MLC1: variants seen among roughly 807,000 people sequenced by gnomAD.
The protein encoded by MLC1 is membrane protein MLC1.
MLC1 carries 32 observed loss-of-function variants against 44.7 expected under a neutral mutation model. That is an observed-to-expected ratio of 0.72 (90% confidence interval 0.54 to 0.96). The LOEUF (loss-of-function observed/expected upper bound fraction) is 0.96, where lower values mean the gene tolerates loss of function less well. Ranked by LOEUF, MLC1 falls within the 40% of genes least tolerant of loss-of-function variation. The probability of loss-of-function intolerance (pLI) is 0.00; values close to 1 mark genes in which losing one functional copy is unlikely to be tolerated. For synonymous variants in MLC1, 190 were observed against 213.0 expected, an observed-to-expected ratio of 0.89 and a Z score of 0.94; for missense variants, 459 against 492.2, an observed-to-expected ratio of 0.93 and a Z score of 0.64.
chr22:50,074,691 T>A, intron 7 of MLC1: 1 of 340,418 alleles, frequency 2.9e-6, no homozygotes, highest in Non-Finnish European at 5.8e-6. Flanking sequence ...GCTCAGACCC[T>A]GGACCCCATC....
intron 5 of MLC1, among the ~76,000 whole-genome samples, chr22:50,078,283 G>A (rs369140453): frequency 3.2e-4 from 48 of 151,994 alleles, no homozygotes; most frequent in East Asian, 9.7e-4. Context: ...GAGCCACCGC[G>A]CCCGGCCTGA....
chr22:50,063,938 G>T (rs1379573012), intron 11 of MLC1, 96 bp downstream of exon 11: 3 of 1,104,330 alleles, frequency 2.7e-6, no homozygotes, highest in Non-Finnish European at 2.4e-6. Context: ...CACCTCCCCA[G>T]CTTCCCCCCA....
chr22:50,085,181 C>G, intron 1 of MLC1, 174 bp downstream of exon 1: 1 of 1,313,534 alleles, frequency 7.6e-7, no homozygotes, highest in South Asian at 1.6e-5. Flanking sequence ...ACTTTAAATG[C>G]CTCATTGATC....
chr22:50,066,171 C>T (rs1050087066), intron 10 of MLC1, among the ~76,000 whole-genome samples: 54 of 150,838 alleles, frequency 3.6e-4, no homozygotes, highest in African/African-American at 1.3e-3. Context: ...GACCCTGTCT[C>T]TGAAAAATAA....
intron 2 of MLC1, 59 bp downstream of exon 2, chr22:50,084,667 C>T (rs2062235827): frequency 1.9e-5 from 30 of 1,585,268 alleles, no homozygotes; most frequent in Non-Finnish European, 2.2e-5. Flanking sequence ...CGCTGCAGTC[C>T]GTCACCAGAG....
At chr22:50,084,375 G>A (rs188997977) in intron 2 of MLC1, among the ~76,000 whole-genome samples, 21 of 152,214 alleles carry the variant, frequency 1.4e-4, no homozygotes, top group Non-Finnish European at 2.4e-4. Context: ...GGCCTGAGAC[G>A]CCTCCTCCCA....
At chr22:50,077,813 C>G (rs1276689389) in intron 5 of MLC1, among the ~76,000 whole-genome samples, 1 of 152,204 alleles carries the variant, frequency 6.6e-6, no homozygotes. Context: ...CCACAAAAGC[C>G]TTCACGGAAT....
At position 50,080,000 on chromosome 22, in the gene MLC1, A is replaced by G. The variant is rs1458824689; in HGVS notation, c.341T>C (p.Leu114Ser). 1 of 1,614,000 alleles carries G rather than the reference A, an allele frequency of 6.2e-7. No individual in the cohort carries two copies. Among genetic ancestry groups the G allele is most frequent in the Non-Finnish European group, 8.5e-7 (1 of 1,179,804 alleles). The stretch of plus-strand genomic sequence containing the variant: ...GGTCACAGCAAACGTGGAAACAAAC[A>G]ATATCTGAAAGTTGGGAATCTGAAA... ...NANVIPNFQILFVSTFAVTTT... is the reference protein window; with the variant it reads ...NANVIPNFQISFVSTFAVTTT... Residue 114 changes from leucine to serine, a missense_variant, in exon 5 of 12, where the codon TTG becomes TCG. Coordinates refer to ENST00000311597, the MANE Select transcript of MLC1 (RefSeq NM_015166.4).
At chr22:50,079,232 C>T (rs2062055563) in intron 5 of MLC1, among the ~76,000 whole-genome samples, 1 of 151,904 alleles carries the variant, frequency 6.6e-6, no homozygotes, top group Admixed American at 6.6e-5. Flanking sequence ...TGCAGTGAGC[C>T]GAGATGGCGC....
At chr22:50,073,336 G>A (rs1224947430) in intron 8 of MLC1, among the ~76,000 whole-genome samples, 6 of 152,236 alleles carry the variant, frequency 3.9e-5, no homozygotes, top group African/African-American at 1.2e-4. Context: ...AGGCCACTAC[G>A]CGGCAAGGTG....
At chr22:50,061,895 G>A (rs2061567011) in intron 11 of MLC1, among the ~76,000 whole-genome samples, 1 of 152,250 alleles carries the variant, frequency 6.6e-6, no homozygotes, top group Non-Finnish European at 1.5e-5. Context: ...CCGAGCCTGG[G>A]ATGGAGCAGC....
chr22:50,062,698 T>C (rs142319685), intron 11 of MLC1, among the ~76,000 whole-genome samples: 108 of 152,304 alleles, frequency 7.1e-4, no homozygotes, highest in African/African-American at 2.6e-3. Context: ...CAGCGGCCGG[T>C]CCGCCCAGGA....
rs1182653309 is a variant in MLC1 at position 50,079,944 on chromosome 22, G to C, written c.397C>G (p.Leu133Val). The change falls in exon 5 of 12, where the codon CTA becomes GTA. Residue 133 changes from leucine (L) to valine (V), a missense_variant. Leu to Val is a conservative substitution (Grantham distance 32). Transcript: ENST00000311597. ...TTTATTGCTGATGGGTTCAGGACTAGTTTGCATCCAAACCAAATTAAACAC... is the reference window on the plus strand; with the variant it reads ...TTTATTGCTGATGGGTTCAGGACTACTTTGCATCCAAACCAAATTAAACAC... ...TTCLIWFGCK[L>V]VLNPSAININ... 6 of 1,613,742 alleles carry C rather than the reference G, an allele frequency of 3.7e-6. No homozygotes were observed. The South Asian group carries it at 4.4e-5, about 12-fold the overall frequency.
intron 3 of MLC1, 63 bp from the exon 4 acceptor site, chr22:50,080,460 C>T: frequency 6.7e-7 from 1 of 1,496,918 alleles, no homozygotes; most frequent in African/African-American, 1.4e-5. Flanking sequence ...CTCTGAAATA[C>T]TCTAACATTT....
At chr22:50,071,496 C>A (rs1467394912) in intron 8 of MLC1, among the ~76,000 whole-genome samples, 1 of 152,160 alleles carries the variant, frequency 6.6e-6, no homozygotes, top group Non-Finnish European at 1.5e-5. Flanking sequence ...ATCGGGGAGT[C>A]CCTCAGCCTC....
chr22:50,062,718 G>A (rs1242170330), intron 11 of MLC1, among the ~76,000 whole-genome samples: 2 of 152,272 alleles, frequency 1.3e-5, no homozygotes, highest in Non-Finnish European at 2.9e-5. Context: ...ATGGCCTAGA[G>A]GTGGGGCAGG....
intron 11 of MLC1, 127 bp downstream of exon 11, chr22:50,063,907 T>A: frequency 3.7e-5 from 19 of 518,952 alleles, no homozygotes; most frequent in Non-Finnish European, 4.8e-5. Flanking sequence ...CCTCCCCGGC[T>A]GGGCACCCCT....
At chr22:50,063,590 G>A (rs1056249753) in intron 11 of MLC1, among the ~76,000 whole-genome samples, 9 of 151,860 alleles carry the variant, frequency 5.9e-5, no homozygotes, top group Non-Finnish European at 1.2e-4. Context: ...TGTGGCCCTC[G>A]GAGGCCCTCA....
At chr22:50,074,392 A>C in intron 7 of MLC1, 60 bp from the exon 8 acceptor site, 1 of 1,416,160 alleles carries the variant, frequency 7.1e-7, no homozygotes, top group Admixed American at 1.7e-5. Flanking sequence ...AGATTCCCAG[A>C]ATGCACTGTG....
Sources: gnomAD v4.1 joint callset for allele counts (sites outside exome capture counted in the v4.1 genomes callset) on GRCh38, gnomAD v4.1.1 for gene constraint, MANE v1.5 for transcripts, NCBI Gene and HGNC (gene_info 2026-07-23, HGNC 2026-07-21) for gene names.